The following LRBA variants were observed in gnomAD, a reference collection of about 807,000 sequenced individuals.
The protein encoded by LRBA is lipopolysaccharide-responsive and beige-like anchor protein.
A neutral mutation model predicts 330.0 loss-of-function variants in LRBA; 176 were observed. That is an observed-to-expected ratio of 0.53 (90% CI 0.47 to 0.60). The LOEUF (loss-of-function observed/expected upper bound fraction) is 0.60, where lower values mean the gene tolerates loss of function less well. Ranked by LOEUF, LRBA falls within the 20% of genes least tolerant of loss-of-function variation. The probability of loss-of-function intolerance (pLI) is 0.00; values close to 1 mark genes in which losing one functional copy is unlikely to be tolerated. For missense variants in LRBA, 3,259 were observed against 3,444.8 expected, an observed-to-expected ratio of 0.95 and a Z score of 1.35; for synonymous variants, 1,230 against 1,193.0, an observed-to-expected ratio of 1.03 and a Z score of -0.64.
intron 2 of LRBA, among the ~76,000 whole-genome samples, chr4:150,942,250 CCT>C (rs935744182): frequency 6.6e-5 from 10 of 152,132 alleles, no homozygotes; most frequent in African/African-American, 1.4e-4. Flanking sequence ...CTGGTTTTCC[CCT>C]GTCCCTTCTC....
chr4:150,952,250 G>GTA (rs1279336738), intron 2 of LRBA, among the ~76,000 whole-genome samples: 1 of 146,686 alleles, frequency 6.8e-6, no homozygotes, highest in Non-Finnish European at 1.5e-5. Flanking sequence ...ATAACCTGTT[G>GTA]TATATGTGTG....
chr4:150,282,644 C>A lies in LRBA; in HGVS notation c.8122G>T (p.Gly2708Ter). ...TTCATGGAATGTATGAGACATGGTC[C>A]TTCTGAGAAGAGAGGAGAAATAAAA... ...LGLVLSGSQE[G>*]PCLIHSMNGD... The change falls in exon 55 of 57, where the codon GGA becomes TGA. Residue 2708 changes from glycine (G) to a stop codon, truncating the protein, a stop_gained and splice_region_variant. Transcript: ENST00000651943. LOFTEE classifies it high-confidence loss of function. The A allele has an allele frequency of 6.3e-7, 1 of 1,593,862 alleles. No homozygotes were observed. The highest frequency in any genetic ancestry group is 8.6e-7 in the Non-Finnish European group (1 of 1,168,454).
At chr4:150,658,520 TCC>T (rs1209576614) in intron 37 of LRBA, among the ~76,000 whole-genome samples, 3 of 50 alleles carry the variant, frequency 0.06, no homozygotes, top group Non-Finnish European at 0.12. Context: ...CCTCTCCCTC[TCC>T]CTCTCCCTCT....
At chr4:150,692,558 A>C (rs1442887969) in intron 36 of LRBA, among the ~76,000 whole-genome samples, 1 of 152,196 alleles carries the variant, frequency 6.6e-6, no homozygotes, top group Non-Finnish European at 1.5e-5. Flanking sequence ...GTATAGATGG[A>C]GGAAGCAGTT....
At chr4:150,534,472 T>G (rs938894250) in intron 40 of LRBA, among the ~76,000 whole-genome samples, 1 of 151,702 alleles carries the variant, frequency 6.6e-6, no homozygotes, top group Admixed American at 6.6e-5. Flanking sequence ...TTTGCTTTAG[T>G]GGAAAGTTTT....
intron 37 of LRBA, among the ~76,000 whole-genome samples, chr4:150,624,004 A>C (rs1303996288): frequency 1.3e-5 from 2 of 152,180 alleles, no homozygotes; most frequent in African/African-American, 4.8e-5. Context: ...CTCTACCACA[A>C]CATACACATA....
chr4:150,958,696 C>T lies in LRBA; in HGVS notation c.217-29631G>A, dbSNP rs1737819739. ...TTTAGCACTTAGAAATTTCTTCCAC[C>T]AGATACCCTAAATAACCTCTCTCAA... On this transcript the variant is annotated intron_variant, in intron 2 of 56. Transcript: ENST00000651943. Among the ~76,000 whole-genome samples the T allele has an allele frequency of 1.3e-5, 2 of 148,990 alleles. 1 individual carries two copies. Among genetic ancestry groups the T allele is most frequent in the African/African-American group, 5.2e-5 (2 of 38,440 alleles).
intron 2 of LRBA, among the ~76,000 whole-genome samples, chr4:150,953,609 C>T (rs1737116968): frequency 6.6e-6 from 1 of 152,120 alleles, no homozygotes; most frequent in Non-Finnish European, 1.5e-5. Flanking sequence ...AGTGATCTGC[C>T]AGCCCGGGCC....
chr4:150,933,507 T>A (rs1734733100), intron 2 of LRBA, among the ~76,000 whole-genome samples: 1 of 152,046 alleles, frequency 6.6e-6, no homozygotes, highest in Non-Finnish European at 1.5e-5. Flanking sequence ...GAGAAAAGTG[T>A]GAACAGTAGG....
At chr4:150,989,342 T>C (rs905004620) in intron 2 of LRBA, among the ~76,000 whole-genome samples, 9 of 151,450 alleles carry the variant, frequency 5.9e-5, no homozygotes, top group African/African-American at 1.9e-4. Context: ...TGGCCAGGCA[T>C]GGTGGTTCAC....
rs148433241 is a variant in LRBA at position 150,800,314 on chromosome 4, G to A, written c.5519-2172C>T. On this transcript the variant is annotated intron_variant, in intron 33 of 56. Coordinates refer to ENST00000651943, the MANE Select transcript of LRBA (RefSeq NM_001364905.1). ...GCAGGGTGGAAAGTATGTTCAATTC[G>A]AATGAGTAAGGGCTTCAGAAAACAA... Among the ~76,000 whole-genome samples the A allele has an allele frequency of 1.2e-4, 19 of 152,280 alleles. No homozygotes were observed. In the East Asian group the frequency reaches 2.1e-3, roughly 17 times the overall value.
Position 150,538,441 on chromosome 4 carries a change from G to C in LRBA, c.6331-47406C>G, listed in dbSNP as rs148838487. On this transcript the variant is annotated intron_variant, in intron 40 of 56. Transcript: ENST00000651943. Reference sequence around the variant, plus strand: ...GGAAATATGGTACATATAGATCATGGAAAACTGCACAGCCATAACAAAGAA... The same window carrying C: ...GGAAATATGGTACATATAGATCATGCAAAACTGCACAGCCATAACAAAGAA... 4.0e-3 allele frequency among the ~76,000 whole-genome samples: 604 copies of C among 152,290 alleles called. 1 individual carries two copies. The highest frequency in any genetic ancestry group is 0.014 in the African/African-American group (569 of 41,564).
chr4:150,559,636 AT>A (rs1272970520), intron 40 of LRBA, among the ~76,000 whole-genome samples: 63 of 67,068 alleles, frequency 9.4e-4, no homozygotes, highest in Non-Finnish European at 1.6e-3. Flanking sequence ...TATAATATAT[AT>A]TTATATAATA....
chr4:150,777,059 G>T (rs1019330129), intron 34 of LRBA, among the ~76,000 whole-genome samples: 5 of 123,024 alleles, frequency 4.1e-5, no homozygotes, highest in Non-Finnish European at 8.7e-5. Context: ...TCAGTTTTTT[G>T]AGGGGTTTTG....
chr4:150,928,181 A>C (rs1359629315), intron 4 of LRBA, among the ~76,000 whole-genome samples: 1 of 152,236 alleles, frequency 6.6e-6, no homozygotes, highest in Non-Finnish European at 1.5e-5. Flanking sequence ...CTCAGATAAA[A>C]CTAGATCAAA....
intron 51 of LRBA, chr4:150,311,312 G>A (rs1296893360): frequency 6.6e-6 from 1 of 152,138 alleles, no homozygotes; most frequent in African/African-American, 2.4e-5. Context: ...TGCTGCTAAA[G>A]AAATTTGATT....
intron 14 of LRBA, among the ~76,000 whole-genome samples, chr4:150,899,277 G>C (rs577953311): frequency 3.3e-5 from 5 of 152,246 alleles, no homozygotes; most frequent in African/African-American, 1.2e-4. Flanking sequence ...AAGTTGTTAC[G>C]GATGTGAAAG....
chr4:150,813,290 C>T lies in LRBA; in HGVS notation c.5305+3834G>A, dbSNP rs116360335. Among the ~76,000 whole-genome samples, 8 of 152,078 alleles carry T rather than the reference C, an allele frequency of 5.3e-5. No individual in the cohort carries two copies. In the East Asian group the frequency reaches 7.7e-4, roughly 15 times the overall value. Reference sequence around the variant, plus strand: ...TTGATATATTTACTAAAATCACTTTCGCTTTTCTTTGAAAACATGCATATA... The same window carrying T: ...TTGATATATTTACTAAAATCACTTTTGCTTTTCTTTGAAAACATGCATATA... On this transcript the variant is annotated intron_variant, in intron 31 of 56. Coordinates refer to ENST00000651943, the MANE Select transcript of LRBA (RefSeq NM_001364905.1).
Position 150,998,909 on chromosome 4 carries a change from A to T in LRBA, c.216+15518T>A, listed in dbSNP as rs190788033. On this transcript the variant is annotated intron_variant, in intron 2 of 56. Transcript: ENST00000651943. ...ATTATCTAAGGTATTCCTAAGCAGA[A>T]AAATAAGTTGGTCAATTGTAGCCTA... is the stretch of plus-strand genomic sequence containing the variant. 1.1e-3 allele frequency among the ~76,000 whole-genome samples: 175 copies of T among 152,338 alleles called. 1 individual carries two copies. The highest frequency in any genetic ancestry group is 1.1e-3 in the Non-Finnish European group (78 of 68,026).
Sources: allele counts gnomAD v4.1 joint callset (sites outside exome capture counted in the v4.1 genomes callset), GRCh38; gene constraint gnomAD v4.1.1; transcripts MANE v1.5; gene names NCBI Gene and HGNC (gene_info 2026-07-23, HGNC 2026-07-21).